Variants in DNAH10 observed in about 807,000 individuals in gnomAD.
The protein encoded by DNAH10 is axonemal beta dynein heavy chain 10.
In DNAH10, 348 loss-of-function variants were observed where a neutral mutation model predicts 506.6. The ratio of observed to expected loss-of-function variants is 0.69; its 90% CI spans 0.63 to 0.75. The LOEUF is 0.75. DNAH10 is among the 30% of genes least tolerant of loss of function. The pLI is 0.00. For missense variants in DNAH10, 5,179 were observed against 5,787.1 expected, an observed-to-expected ratio of 0.89 and a Z score of 3.41; for synonymous variants, 2,059 against 2,198.6, an observed-to-expected ratio of 0.94 and a Z score of 1.78.
At chr12:123,777,551 C>T (rs1957486601) in intron 5 of DNAH10, among the ~76,000 whole-genome samples, 2 of 152,244 alleles carry the variant, frequency 1.3e-5, no homozygotes, top group Admixed American at 6.5e-5. Flanking sequence ...GGACTTTCTA[C>T]CTGAAGACAA....
intron 33 of DNAH10, among the ~76,000 whole-genome samples, chr12:123,848,378 A>G (rs1233622392): frequency 6.6e-6 from 1 of 152,224 alleles, no homozygotes; most frequent in Non-Finnish European, 1.5e-5. Flanking sequence ...ATCTGTGGCT[A>G]ACTGGAGAGC....
rs556782069 is a variant in DNAH10, at chr12:123,902,762, G to T, written c.9641-177G>T. 6.6e-6 allele frequency among the ~76,000 whole-genome samples: 1 copy of T among 152,172 alleles called. No homozygotes were observed. Among genetic ancestry groups the T allele is most frequent in the Non-Finnish European group, 1.5e-5 (1 of 68,024 alleles). On this transcript the variant is annotated intron_variant, in intron 56 of 78. Coordinates refer to ENST00000673944, the MANE Select transcript of DNAH10 (RefSeq NM_001372106.1). The surrounding 1 kb of genome is among the most constrained non-coding windows in gnomAD (Gnocchi z 4.5). Reference sequence around the variant, plus strand: ...GGCTGCCTAGTGCTGGAGGCCCCACGCATGGTGAGGTTTTCTGTCCCACCA... The same window carrying T: ...GGCTGCCTAGTGCTGGAGGCCCCACTCATGGTGAGGTTTTCTGTCCCACCA...
chr12:123,867,862 T>C, intron 42 of DNAH10, 41 bp from the exon 43 acceptor site: 1 of 1,575,678 alleles, frequency 6.3e-7, no homozygotes, highest in Non-Finnish European at 8.7e-7. Flanking sequence ...TCTGTGGGGG[T>C]GGACTATGTG....
rs751954619 is a variant in DNAH10, at chr12:123,787,817, A to G, written c.1435A>G (p.Ser479Gly). Residue 479 changes from serine (S) to glycine (G), a missense_variant, in exon 10 of 79, where the codon AGT (serine) becomes GGT (glycine). Ser to Gly is a moderately conservative substitution (Grantham distance 56). Transcript: ENST00000673944. The surrounding 1 kb of genome is among the most constrained non-coding windows in gnomAD (Gnocchi z 4.6). ...LRTLFKENRASAQSKTLEARN... is the reference protein window; with the variant it reads ...LRTLFKENRAGAQSKTLEARN... ...TTGGCTTCGCAGAGAAAATCGAGCGAGTGCCCAAAGCAAAACCTTGGAAGC... is the reference window on the plus strand; with the variant it reads ...TTGGCTTCGCAGAGAAAATCGAGCGGGTGCCCAAAGCAAAACCTTGGAAGC... The G allele has an allele frequency of 5.6e-6, 9 of 1,613,926 alleles. No homozygotes were observed. Among genetic ancestry groups the G allele is most frequent in the Non-Finnish European group, 6.8e-6 (8 of 1,179,966 alleles).
intron 64 of DNAH10, among the ~76,000 whole-genome samples, chr12:123,918,261 A>G (rs1954573754): frequency 6.6e-6 from 1 of 152,230 alleles, no homozygotes; most frequent in African/African-American, 2.4e-5. Flanking sequence ...TCCAAACCCA[A>G]AGGGGTAAGT....
At chr12:123,840,407 T>TG (rs1172966747) in intron 29 of DNAH10, among the ~76,000 whole-genome samples, 1 of 139,468 alleles carries the variant, frequency 7.2e-6, no homozygotes, top group Non-Finnish European at 1.6e-5. Context: ...TTTTTTTTTT[T>TG]TTTTTTTTTT....
chr12:123,783,921 C>T, intron 7 of DNAH10, 26 bp from the exon 8 acceptor site: 1 of 1,597,730 alleles, frequency 6.3e-7, no homozygotes, highest in Non-Finnish European at 8.6e-7. Flanking sequence ...AATGAGAGTT[C>T]TTTGTGTGTT....
In DNAH10 at chr12:123,919,083, C is replaced by CTT; in HGVS notation, c.11506+143_11506+144dup. On this transcript the variant is annotated intron_variant, in intron 65 of 78. Coordinates refer to ENST00000673944, the MANE Select transcript of DNAH10 (RefSeq NM_001372106.1). This position sits in a 1 kb window ranked among gnomAD's most constrained non-coding sequence, Gnocchi z 4.9. ...CTTTTTTCTTTCTTTCTTTCTTTTT[C>CTT]TTTTTTTTTTGAGATAGGGTCTTGC... 1.9e-5 allele frequency: 21 copies of CTT among 1,079,756 alleles called. No individual in the cohort carries two copies. Among genetic ancestry groups the CTT allele is most frequent in the South Asian group, 4.1e-5 (2 of 48,732 alleles). The allele number at this position is 1,079,756 out of a possible 1,614,324, so 66.9% of individuals were successfully genotyped here. A position where few individuals can be genotyped will look rare whatever the true frequency, so the allele number is the denominator to read the frequency against.
chr12:123,796,926 A>G (rs1418842219), intron 13 of DNAH10, 94 bp downstream of exon 13: 2 of 1,219,682 alleles, frequency 1.6e-6, no homozygotes, highest in Non-Finnish European at 2.2e-6. Flanking sequence ...GCTGGAGTGC[A>G]GTGGCGCAAT....
intron 52 of DNAH10, among the ~76,000 whole-genome samples, chr12:123,892,938 C>T (rs756062637): frequency 1.7e-4 from 26 of 152,192 alleles, no homozygotes; most frequent in Non-Finnish European, 3.2e-4. Flanking sequence ...ATCCCTGCTT[C>T]GGAGTTACAG....
At chr12:123,816,088 G>T (rs1427842019) in intron 21 of DNAH10, among the ~76,000 whole-genome samples, 1 of 152,146 alleles carries the variant, frequency 6.6e-6, no homozygotes, top group East Asian at 1.9e-4. Context: ...CAAAACACTT[G>T]TAATTTCCTG....
At chr12:123,806,404 A>G (rs1481203040) in intron 18 of DNAH10, among the ~76,000 whole-genome samples, 1 of 152,186 alleles carries the variant, frequency 6.6e-6, no homozygotes, top group African/African-American at 2.4e-5. Context: ...CAGTAAGAGA[A>G]AGGGCTGGGA....
intron 19 of DNAH10, among the ~76,000 whole-genome samples, chr12:123,809,496 A>G (rs1457309795): frequency 1.3e-5 from 2 of 151,996 alleles, no homozygotes; most frequent in Admixed American, 1.3e-4. Flanking sequence ...CAAAACTAAA[A>G]TTAATTAGCT....
chr12:123,779,512 G>A (rs533992761), intron 5 of DNAH10, among the ~76,000 whole-genome samples: 1 of 152,192 alleles, frequency 6.6e-6, no homozygotes, highest in Non-Finnish European at 1.5e-5. Flanking sequence ...GCTGTGAGAG[G>A]CGTCTTTATA....
Position 123,917,448 on chromosome 12 carries a change from T to G in DNAH10, c.11003-136T>G. 2.5e-6 allele frequency: 2 copies of G among 809,256 alleles called. No homozygotes were observed. The highest frequency in any genetic ancestry group is 3.9e-6 in the Non-Finnish European group (2 of 514,306). The allele number at this position is 809,256 out of a possible 1,614,324, so 50.1% of individuals were successfully genotyped here. Reference sequence around the variant, plus strand: ...GCCACCTTGCTGCTCTAGAGTGACTTTGGTGGGCAGTGAATCCTCGTGCCT... The same window carrying G: ...GCCACCTTGCTGCTCTAGAGTGACTGTGGTGGGCAGTGAATCCTCGTGCCT... On this transcript the variant is annotated intron_variant, in intron 63 of 78. Transcript: ENST00000673944. The surrounding 1 kb of genome is among the most constrained non-coding windows in gnomAD (Gnocchi z 5.6).
chr12:123,861,618 G>A (rs935249991), intron 39 of DNAH10, among the ~76,000 whole-genome samples: 2 of 152,254 alleles, frequency 1.3e-5, no homozygotes, highest in African/African-American at 2.4e-5. Flanking sequence ...ATCTGTAGAC[G>A]TGGTTGATGG....
chr12:123,926,056 C>G lies in DNAH10; in HGVS notation c.11922-581C>G, dbSNP rs79505778. ...CCTGGGCAACATAGTGAGATACTGCCTCTAAAAAATAAAAAATAAAAAAGA... is the reference window on the plus strand; with the variant it reads ...CCTGGGCAACATAGTGAGATACTGCGTCTAAAAAATAAAAAATAAAAAAGA... On this transcript the variant is annotated intron_variant, in intron 68 of 78. Transcript: ENST00000673944. The surrounding 1 kb of genome is among the most constrained non-coding windows in gnomAD (Gnocchi z 4.1). 0.02 allele frequency: 2,991 copies of G among 151,178 alleles called. 45 individuals are homozygous for G. The highest frequency in any genetic ancestry group is 0.031 in the Middle Eastern group (9 of 294). The allele number at this position is 151,178 out of a possible 1,614,324, so 9.4% of individuals were successfully genotyped here. A position where few individuals can be genotyped will look rare whatever the true frequency, so the allele number is the denominator to read the frequency against.
intron 28 of DNAH10, 139 bp downstream of exon 28, chr12:123,835,667 C>G: frequency 7.8e-7 from 1 of 1,283,118 alleles, no homozygotes; most frequent in Non-Finnish European, 1.1e-6. Context: ...CTCTGTTGCC[C>G]AGGCTGGAGT....
intron 76 of DNAH10, chr12:123,932,634 C>T (rs1346288608): frequency 6.4e-6 from 1 of 155,060 alleles, no homozygotes; most frequent in Non-Finnish European, 1.4e-5. Context: ...TTGGATGGTT[C>T]TTAGAAAGGC....
Sources: gnomAD v4.1 joint callset for allele counts (sites outside exome capture counted in the v4.1 genomes callset) on GRCh38, gnomAD v4.1.1 for gene constraint, Gnocchi (gnomAD v3.1) non-coding constraint, MANE v1.5 for transcripts, NCBI Gene and HGNC (gene_info 2026-07-23, HGNC 2026-07-21) for gene names.